The following USP48 variants were observed in gnomAD, a reference collection of about 807,000 sequenced individuals.
The protein encoded by USP48 is ubiquitin carboxyl-terminal hydrolase 48.
Under a neutral mutation model 150.7 loss-of-function variants are expected in USP48, and 43 were observed. The observed-to-expected ratio is 0.29, with a 90% CI of 0.22 to 0.37. The LOEUF (loss-of-function observed/expected upper bound fraction) is 0.37, where lower values mean the gene tolerates loss of function less well. Among genes scored for constraint, USP48 ranks in the 10% least tolerant of loss-of-function variants. USP48 has a pLI of 1.00. For synonymous variants in USP48, 396 were observed against 425.9 expected, an observed-to-expected ratio of 0.93 and a Z score of 0.86; for missense variants, 813 against 1,249.6, an observed-to-expected ratio of 0.65 and a Z score of 5.27.
rs2097558512 is a variant in USP48, at chr1:21,679,128, A to AT, written c.*288dup. ...ACTATAAATCTCATATGTAAACATG[A>AT]TTTACTATTACTGCTACTAAACTTG... On this transcript the variant is annotated 3_prime_UTR_variant, in exon 27 of 27. Transcript: ENST00000308271. 1 of 503,212 alleles carries AT rather than the reference A, an allele frequency of 2.0e-6. No homozygotes were observed. Among genetic ancestry groups the AT allele is most frequent in the Non-Finnish European group, 3.6e-6 (1 of 279,190 alleles). The allele number at this position is 503,212 out of a possible 1,614,324, so 31.2% of individuals were successfully genotyped here. A position where few individuals can be genotyped will look rare whatever the true frequency, so the allele number is the denominator to read the frequency against.
chr1:21,760,550 C>T (rs1442330137), intron 1 of USP48, among the ~76,000 whole-genome samples: 1 of 151,492 alleles, frequency 6.6e-6, no homozygotes, highest in Non-Finnish European at 1.5e-5. Flanking sequence ...CCCATCTCTA[C>T]TAAAAATACA....
intron 23 of USP48, among the ~76,000 whole-genome samples, chr1:21,693,876 A>G (rs888937575): frequency 3.3e-5 from 5 of 152,234 alleles, no homozygotes; most frequent in African/African-American, 9.6e-5. Flanking sequence ...CCTCAAAGGA[A>G]GGCCTGTACT....
chr1:21,681,857 G>A (rs1437938945), intron 25 of USP48, among the ~76,000 whole-genome samples: 6 of 152,058 alleles, frequency 3.9e-5, no homozygotes, highest in African/African-American at 1.2e-4. Flanking sequence ...TCCAATTCAC[G>A]TGTAAATTCT....
intron 1 of USP48, among the ~76,000 whole-genome samples, chr1:21,771,447 TTATAA>T (rs1257174905): frequency 6.7e-6 from 1 of 148,454 alleles, no homozygotes; most frequent in Non-Finnish European, 1.5e-5. Context: ...TAATTATAAA[TTATAA>T]TATAATGGTT....
At chr1:21,736,743 C>A in intron 8 of USP48, 118 bp from the exon 9 acceptor site, 1 of 874,456 alleles carries the variant, frequency 1.1e-6, no homozygotes, top group South Asian at 3.6e-5. Flanking sequence ...AAACATGTCA[C>A]CTAAAATTTT....
intron 9 of USP48, among the ~76,000 whole-genome samples, chr1:21,733,022 G>A (rs333183): frequency 1 from 152,285 of 152,310 alleles, 76,130 homozygotes; most frequent in Middle Eastern, 1. Context: ...TACAGACAAC[G>A]CCTGAACAAA....
At chr1:21,782,665 C>G (rs1191003365) in intron 1 of USP48, among the ~76,000 whole-genome samples, 159 bp downstream of exon 1, 1 of 152,244 alleles carries the variant, frequency 6.6e-6, no homozygotes, top group Non-Finnish European at 1.5e-5. Flanking sequence ...CCTGCGTTTC[C>G]CAGGTCGCGC....
intron 25 of USP48, among the ~76,000 whole-genome samples, chr1:21,683,704 A>T (rs1210802540): frequency 6.6e-6 from 1 of 152,178 alleles, no homozygotes; most frequent in Non-Finnish European, 1.5e-5. Context: ...TGAAATATAC[A>T]ACATATCACC....
intron 8 of USP48, among the ~76,000 whole-genome samples, chr1:21,738,309 CG>C (rs2097773178): frequency 6.6e-6 from 1 of 150,922 alleles, no homozygotes. Context: ...CCATCTGCCT[CG>C]GCCTCCCAAA....
In USP48 at chr1:21,712,355, T is replaced by C. The variant is rs922446117; in HGVS notation, c.1963+3034A>G. ...GCCTGGGCGACACAGTGAGACGCCA[T>C]CTCAAAAAAAACCAAAACAAAATAG... On this transcript the variant is annotated intron_variant, in intron 15 of 26. Transcript: ENST00000308271. Among the ~76,000 whole-genome samples, 7 of 151,966 alleles carry C rather than the reference T, an allele frequency of 4.6e-5. No homozygotes were observed. The East Asian group carries it at 1.2e-3, about 25-fold the overall frequency.
chr1:21,718,548 A>C (rs1183185150), intron 14 of USP48, among the ~76,000 whole-genome samples: 1 of 146,288 alleles, frequency 6.8e-6, no homozygotes, highest in African/African-American at 2.6e-5. Context: ...ACACTGATAT[A>C]TAAAGAGGCC....
intron 8 of USP48, among the ~76,000 whole-genome samples, chr1:21,741,486 T>C (rs2097781535): frequency 6.6e-6 from 1 of 152,222 alleles, no homozygotes; most frequent in South Asian, 2.1e-4. Flanking sequence ...GACAATAATA[T>C]GTGAAAAGAA....
At chr1:21,779,926 T>G (rs1449189119) in intron 1 of USP48, among the ~76,000 whole-genome samples, 1 of 152,182 alleles carries the variant, frequency 6.6e-6, no homozygotes, top group African/African-American at 2.4e-5. Flanking sequence ...AGTACCTGTT[T>G]ATGAGGATGA....
intron 12 of USP48, among the ~76,000 whole-genome samples, chr1:21,722,391 T>A (rs1052013530): frequency 6.7e-6 from 1 of 149,900 alleles, no homozygotes; most frequent in Non-Finnish European, 1.5e-5. Flanking sequence ...GTGTAAAAAT[T>A]AGCAAGCCAT....
chr1:21,678,984 T>C lies in USP48; in HGVS notation c.*433A>G, dbSNP rs2097558083. ...TGGTAAGCAGGTTATGTCTCTAAAA[T>C]TACTTTTCGTTCAGAGCAGAATGTT... On this transcript the variant is annotated 3_prime_UTR_variant, in exon 27 of 27. Coordinates refer to ENST00000308271, the MANE Select transcript of USP48 (RefSeq NM_032236.8). The C allele has an allele frequency of 4.7e-6, 1 of 212,208 alleles. No homozygotes were observed. Among genetic ancestry groups the C allele is most frequent in the African/African-American group, 2.4e-5 (1 of 42,066 alleles). The allele number at this position is 212,208 out of a possible 1,614,324, so 13.1% of individuals were successfully genotyped here. A position where few individuals can be genotyped will look rare whatever the true frequency, so the allele number is the denominator to read the frequency against.
chr1:21,692,275 A>G (rs1397201442), intron 23 of USP48, among the ~76,000 whole-genome samples: 1 of 152,142 alleles, frequency 6.6e-6, no homozygotes, highest in Non-Finnish European at 1.5e-5. Flanking sequence ...AATAAGCAGG[A>G]GTACTGACAG....
intron 23 of USP48, among the ~76,000 whole-genome samples, chr1:21,694,572 CAAAAAAAAAAAAA>C (rs1204062748): frequency 5.0e-4 from 6 of 12,022 alleles, no homozygotes; most frequent in African/African-American, 2.8e-3. Context: ...TCTGTCTCAC[CAAAAAAAAAAAAA>C]AAAAAAAAAA....
chr1:21,757,453 G>T, intron 2 of USP48: 1 of 412,758 alleles, frequency 2.4e-6, no homozygotes, highest in Non-Finnish European at 4.2e-6. Flanking sequence ...TTATTTAAAG[G>T]CTTACTGAAT....
At chr1:21,719,287 A>G (rs1031467695) in intron 14 of USP48, among the ~76,000 whole-genome samples, 2 of 151,274 alleles carry the variant, frequency 1.3e-5, no homozygotes, top group African/African-American at 4.9e-5. Flanking sequence ...ATCTCAAAAA[A>G]GTAAAAAAAA....
Sources: gnomAD v4.1 joint callset for allele counts (sites outside exome capture counted in the v4.1 genomes callset) on GRCh38, gnomAD v4.1.1 for gene constraint, MANE v1.5 for transcripts, NCBI Gene and HGNC (gene_info 2026-07-23, HGNC 2026-07-21) for gene names.